The following SLC36A1 variants were observed in gnomAD, a reference collection of about 807,000 sequenced individuals.
SLC36A1 encodes the protein solute carrier family 36 member 1.
In SLC36A1, 30 loss-of-function variants were observed where a neutral mutation model predicts 47.5. The ratio of observed to expected loss-of-function variants is 0.63; its 90% CI spans 0.47 to 0.86. SLC36A1 has a LOEUF of 0.86. Among genes scored for constraint, SLC36A1 ranks in the 40% least tolerant of loss-of-function variants. The pLI is 0.00. For missense variants in SLC36A1, 517 were observed against 606.0 expected, an observed-to-expected ratio of 0.85 and a Z score of 1.54; for synonymous variants, 255 against 249.7, an observed-to-expected ratio of 1.02 and a Z score of -0.20.
At chr5:151,485,341 T>A (rs1759371962) in intron 10 of SLC36A1, among the ~76,000 whole-genome samples, 1 of 152,166 alleles carries the variant, frequency 6.6e-6, no homozygotes, top group Admixed American at 6.5e-5. Context: ...CAGAGGTGGA[T>A]CTGAGACTCG....
chr5:151,529,319 C>A, the SLC36A1 span: 1 of 1,614,024 alleles, frequency 6.2e-7, no homozygotes, highest in Non-Finnish European at 8.5e-7. Flanking sequence ...AGGAGCTCTT[C>A]CGGCTGCACT....
the SLC36A1 span, chr5:151,522,185 C>T: frequency 3.1e-6 from 3 of 963,498 alleles, no homozygotes; most frequent in South Asian, 1.9e-5. Context: ...TTCTCTGCCC[C>T]ACGCCCAACT....
chr5:151,390,045 A>G, the SLC36A1 span, among the ~76,000 whole-genome samples: 5 of 152,090 alleles, frequency 3.3e-5, no homozygotes, highest in Admixed American at 6.6e-5. Flanking sequence ...AAGTGTTCCT[A>G]TTTCTCCACA....
chr5:151,534,638 C>G, the SLC36A1 span: 1 of 1,603,694 alleles, frequency 6.2e-7, no homozygotes, highest in Non-Finnish European at 8.5e-7. Flanking sequence ...GTGTGGTCAG[C>G]TCCCCTGGTC....
chr5:151,395,684 T>C, the SLC36A1 span, among the ~76,000 whole-genome samples: 5 of 152,220 alleles, frequency 3.3e-5, no homozygotes, highest in African/African-American at 1.2e-4. Context: ...CAGGATTCCT[T>C]GTACCTGGTA....
the SLC36A1 span, among the ~76,000 whole-genome samples, chr5:151,426,356 G>A: frequency 5.3e-5 from 8 of 152,162 alleles, no homozygotes; most frequent in East Asian, 1.4e-3. Context: ...CTCCTATCTC[G>A]GTGAGGGGGA....
chr5:151,404,978 A>T, the SLC36A1 span, among the ~76,000 whole-genome samples: 1 of 152,204 alleles, frequency 6.6e-6, no homozygotes, highest in Non-Finnish European at 1.5e-5. Context: ...TATGTCCTCA[A>T]ATATGTTTTC....
At chr5:151,492,708 C>A (rs1288423874), downstream of SLC36A1, among the ~76,000 whole-genome samples, 3 of 152,216 alleles carry the variant, frequency 2.0e-5, no homozygotes, top group Non-Finnish European at 4.4e-5. Flanking sequence ...ATAATTCAGT[C>A]AAACACTAAT....
rs1757641715 is a variant in SLC36A1 at position 151,473,706 on chromosome 5, G to T, written c.757G>T (p.Ala253Ser). Residue 253 changes from alanine to serine, a missense_variant, in exon 8 of 11, where the codon GCC (alanine) becomes TCC (serine). Coordinates refer to ENST00000243389, the MANE Select transcript of SLC36A1 (RefSeq NM_078483.4). ...IPDPSHLPLV[A>S]PWKTYPLFFG... ...AGACCCCAGCCACCTCCCCTTGGTG[G>T]CCCCTTGGAAGACCTACCCTCTCTT... The T allele has an allele frequency of 1.2e-6, 2 of 1,613,766 alleles. No homozygotes were observed. The highest frequency in any genetic ancestry group is 2.7e-5 in the African/African-American group (2 of 74,884).
At chr5:151,545,676 G>A in the SLC36A1 span, 2 of 1,614,150 alleles carry the variant, frequency 1.2e-6, no homozygotes, top group Non-Finnish European at 1.7e-6. Flanking sequence ...TTCCCATGCT[G>A]GGATCAATTT....
chr5:151,367,187 CAG>C, the SLC36A1 span, among the ~76,000 whole-genome samples: 3 of 152,110 alleles, frequency 2.0e-5, no homozygotes, highest in Admixed American at 2.0e-4. Context: ...CAACAGAAAA[CAG>C]GGTCTGAGAG....
chr5:151,534,681 G>T, the SLC36A1 span: 1 of 1,548,636 alleles, frequency 6.5e-7, no homozygotes, highest in Admixed American at 1.7e-5. Flanking sequence ...TTTCTCTGGG[G>T]AAATATTACC....
the SLC36A1 span, chr5:151,534,628 G>A: frequency 2.5e-6 from 4 of 1,610,274 alleles, no homozygotes; most frequent in African/African-American, 4.0e-5. Context: ...AGGGCAGTGA[G>A]TGTGGTCAGC....
the SLC36A1 span, among the ~76,000 whole-genome samples, chr5:151,384,678 C>T: frequency 9.4e-3 from 1,424 of 152,230 alleles, 16 homozygotes; most frequent in Non-Finnish European, 0.013. Context: ...GTTGTCCTGC[C>T]TCTGCTTAAA....
At chr5:151,532,117 C>T in the SLC36A1 span, 1 of 1,036,662 alleles carries the variant, frequency 9.6e-7, no homozygotes, top group Non-Finnish European at 1.4e-6. Context: ...GTGAGGGTCT[C>T]TCCAGCGGGG....
chr5:151,403,506 G>T, the SLC36A1 span, among the ~76,000 whole-genome samples: 3 of 152,240 alleles, frequency 2.0e-5, no homozygotes, highest in East Asian at 5.8e-4. Context: ...TGCTCTTTCC[G>T]TGTGACCTGC....
chr5:151,381,473 A>G, the SLC36A1 span, among the ~76,000 whole-genome samples: 1 of 152,238 alleles, frequency 6.6e-6, no homozygotes, highest in Non-Finnish European at 1.5e-5. Context: ...TAGTTTAAAC[A>G]AAGATGGTAA....
At chr5:151,510,290 T>A in the SLC36A1 span, 1 of 1,236,312 alleles carries the variant, frequency 8.1e-7, no homozygotes, top group Non-Finnish European at 1.1e-6. Flanking sequence ...TTTATTTGGT[T>A]GCTCCCCTCT....
At chr5:151,389,059 T>G in the SLC36A1 span, among the ~76,000 whole-genome samples, 2 of 152,180 alleles carry the variant, frequency 1.3e-5, no homozygotes, top group African/African-American at 4.8e-5. Flanking sequence ...TAATCATATC[T>G]CATCGCCTAC....
Sources: allele counts gnomAD v4.1 joint callset (sites outside exome capture counted in the v4.1 genomes callset), GRCh38; gene constraint gnomAD v4.1.1; transcripts MANE v1.5; gene names NCBI Gene and HGNC (gene_info 2026-07-23, HGNC 2026-07-21).